ATR: variants seen among roughly 807,000 people sequenced by gnomAD.
ATR encodes serine/threonine-protein kinase ATR.
A neutral mutation model predicts 305.3 loss-of-function variants in ATR; 142 were observed. The observed-to-expected ratio is 0.47, with a 90% CI of 0.41 to 0.53. The LOEUF is 0.53. Ranked by LOEUF, ATR falls within the 20% of genes least tolerant of loss-of-function variation. The pLI is 0.00. For synonymous variants in ATR, 1,050 were observed against 1,068.1 expected (o/e 0.98, Z 0.33); for missense variants, 2,135 against 3,133.1 (o/e 0.68, Z 7.60).
intron 33 of ATR, 35 bp downstream of exon 33, chr3:142,496,978 T>G (rs749749193): frequency 6.3e-7 from 1 of 1,586,444 alleles, no homozygotes; most frequent in East Asian, 2.2e-5. Flanking sequence ...AAATTCAAGA[T>G]AAGTGACATT....
At position 142,498,675 on chromosome 3, in the gene ATR, C is replaced by G. The variant is rs2108341164; in HGVS notation, c.5480G>C (p.Arg1827Thr). 6.2e-7 allele frequency: 1 copy of G among 1,614,052 alleles called. No homozygotes were observed. The highest frequency in any genetic ancestry group is 8.5e-7 in the Non-Finnish European group (1 of 1,179,982). ...TAFYDSLKLV[R>T]AEQIVPLSAA... is the part of the protein sequence containing the mutation. ...TGAAAGAGGTACAATTTGTTCTGCTCTCACTAGTTTCAGTGAGTCATAAAA... is the reference window on the plus strand; with the variant it reads ...TGAAAGAGGTACAATTTGTTCTGCTGTCACTAGTTTCAGTGAGTCATAAAA... The change falls in exon 32 of 47, where the codon AGA (arginine) becomes ACA (threonine). Residue 1827 changes from arginine (R) to threonine (T), a missense_variant. This residue lies in a region of ATR where 117 missense variants were observed against 198.3 expected (regional missense o/e 0.59). Transcript: ENST00000350721.
chr3:142,550,351 T>G (rs1346494766), intron 13 of ATR, 49 bp from the exon 14 acceptor site: 1 of 1,576,504 alleles, frequency 6.3e-7, no homozygotes, highest in East Asian at 2.2e-5. Flanking sequence ...AGAAGAAATT[T>G]TAACTAATAC....
Position 142,562,333 on chromosome 3 carries a change from C to G in ATR, c.1069G>C (p.Val357Leu), listed in dbSNP as rs759811121. ...CHLLQYFLKFVPAGYESALQV... is the reference protein window; with the variant it reads ...CHLLQYFLKFLPAGYESALQV... ...AAAGCAGATTCATACCCAGCTGGCA[C>G]AAATTTAAGGAAATACTGCAGTAAA... is the stretch of plus-strand genomic sequence containing the variant. The change falls in exon 4 of 47, where the codon GTG becomes CTG. Residue 357 changes from valine (V) to leucine (L), a missense_variant. Val to Leu is a conservative substitution (Grantham distance 32, BLOSUM62 1). This residue lies in a region of ATR where 744 missense variants were observed against 873.2 expected (regional missense o/e 0.85). Coordinates refer to ENST00000350721, the MANE Select transcript of ATR (RefSeq NM_001184.4). 3.7e-6 allele frequency: 6 copies of G among 1,614,066 alleles called. No individual in the cohort carries two copies. Among genetic ancestry groups the G allele is most frequent in the Admixed American group, 1.7e-5 (1 of 60,022 alleles).
At chr3:142,526,929 T>C (rs2033418002) in intron 21 of ATR, among the ~76,000 whole-genome samples, 1 of 151,924 alleles carries the variant, frequency 6.6e-6, no homozygotes, top group Non-Finnish European at 1.5e-5. Flanking sequence ...GCTTGGACTT[T>C]AGGCATGTGC....
chr3:142,535,427 T>A (rs1342865462), intron 20 of ATR, among the ~76,000 whole-genome samples: 1 of 152,118 alleles, frequency 6.6e-6, no homozygotes, highest in East Asian at 1.9e-4. Flanking sequence ...AAAAATTTTA[T>A]CCCAACTAAG....
intron 15 of ATR, among the ~76,000 whole-genome samples, chr3:142,549,045 AG>A (rs57913631): frequency 0.14 from 20,908 of 152,178 alleles, 1,477 homozygotes; most frequent in Non-Finnish European, 0.16. Flanking sequence ...AAAGAAGCAC[AG>A]GTTATAATTT....
chr3:142,457,094 C>T (rs2108256614), intron 45 of ATR, among the ~76,000 whole-genome samples: 1 of 152,012 alleles, frequency 6.6e-6, no homozygotes, highest in East Asian at 1.9e-4. Flanking sequence ...TGTAGTATAT[C>T]CATATAACAG....
intron 2 of ATR, among the ~76,000 whole-genome samples, chr3:142,566,848 A>G (rs1386243725): frequency 6.6e-6 from 1 of 151,544 alleles, no homozygotes; most frequent in African/African-American, 2.4e-5. Context: ...GGTACAAGTG[A>G]TTCTTCTGCC....
chr3:142,489,849 T>C lies in ATR; in HGVS notation c.6078+3283A>G, dbSNP rs987694339. ...TGGAATGGAATATGGTAGATTTAAC[T>C]TTTTATAGTCCCCACCAGGTGCATT... On this transcript the variant is annotated intron_variant, in intron 35 of 46. Transcript: ENST00000350721. 2.6e-5 allele frequency among the ~76,000 whole-genome samples: 4 copies of C among 152,346 alleles called. No homozygotes were observed. The South Asian group carries it at 8.3e-4, about 32-fold the overall frequency.
chr3:142,454,411 A>G (rs2070858191), intron 45 of ATR, among the ~76,000 whole-genome samples: 1 of 142,750 alleles, frequency 7.0e-6, no homozygotes, highest in Non-Finnish European at 1.5e-5. Context: ...ACTAACCAGT[A>G]TTCTACCATA....
chr3:142,573,683 C>G (rs2035348055), intron 1 of ATR, among the ~76,000 whole-genome samples: 1 of 152,030 alleles, frequency 6.6e-6, no homozygotes, highest in South Asian at 2.1e-4. Context: ...ACAATTGATC[C>G]TAACAATATA....
chr3:142,497,770 T>C (rs904492275), intron 32 of ATR, among the ~76,000 whole-genome samples: 1 of 151,998 alleles, frequency 6.6e-6, no homozygotes, highest in Non-Finnish European at 1.5e-5. Flanking sequence ...TAAACCAACA[T>C]GAGGTATTTG....
At chr3:142,552,709 A>G (rs1322301435) in intron 13 of ATR, among the ~76,000 whole-genome samples, 2 of 151,072 alleles carry the variant, frequency 1.3e-5, no homozygotes, top group African/African-American at 4.9e-5. Flanking sequence ...GAGTTAACCT[A>G]AATGCCCATC....
At position 142,560,365 on chromosome 3, in the gene ATR, C is replaced by A. The variant is rs750056135; in HGVS notation, c.1439G>T (p.Ser480Ile). Reference protein sequence around the residue: ...AESLQISLEYSGLKNPVIEML... With the variant: ...AESLQISLEYIGLKNPVIEML... Reference sequence around the variant, plus strand: ...CTCAATAACAGGATTCTTTAGGCCACTGTATTCAAGGGAAATCTGAAGGGA... The same window carrying A: ...CTCAATAACAGGATTCTTTAGGCCAATGTATTCAAGGGAAATCTGAAGGGA... Residue 480 changes from serine to isoleucine, a missense_variant, in exon 6 of 47, where the codon AGT (serine) becomes ATT (isoleucine). Coordinates refer to ENST00000350721, the MANE Select transcript of ATR (RefSeq NM_001184.4). 3.7e-6 allele frequency: 6 copies of A among 1,613,844 alleles called. No individual in the cohort carries two copies. In the East Asian group the frequency reaches 1.3e-4, roughly 36 times the overall value.
chr3:142,572,690 G>A (rs2035314151), intron 1 of ATR, among the ~76,000 whole-genome samples: 3 of 151,860 alleles, frequency 2.0e-5, no homozygotes, highest in Admixed American at 2.0e-4. Flanking sequence ...TGGGAGGATC[G>A]CTTGAGCCTG....
intron 33 of ATR, among the ~76,000 whole-genome samples, chr3:142,496,788 T>C (rs2031671698): frequency 6.6e-6 from 1 of 152,108 alleles, no homozygotes; most frequent in Non-Finnish European, 1.5e-5. Flanking sequence ...GTAAAAAACA[T>C]ATCCCCCAGA....
chr3:142,551,861 A>C (rs1213745842), intron 13 of ATR, among the ~76,000 whole-genome samples: 1 of 152,226 alleles, frequency 6.6e-6, no homozygotes, highest in Non-Finnish European at 1.5e-5. Context: ...CAGCAAAATA[A>C]ACTATCATCA....
intron 39 of ATR, 40 bp from the exon 40 acceptor site, chr3:142,466,573 T>TA: frequency 6.5e-7 from 1 of 1,537,500 alleles, no homozygotes; most frequent in Non-Finnish European, 8.9e-7. Context: ...GTTTTTACCT[T>TA]AAATTCCACT....
intron 45 of ATR, 71 bp downstream of exon 45, chr3:142,457,533 C>T: frequency 1.9e-6 from 3 of 1,584,158 alleles, no homozygotes; most frequent in Non-Finnish European, 1.7e-6. Flanking sequence ...TACATAAAAA[C>T]AAACATATGT....
Sources: allele counts gnomAD v4.1 joint callset (sites outside exome capture counted in the v4.1 genomes callset), GRCh38; gene constraint gnomAD v4.1.1; regional missense constraint gnomAD v4.1.1; transcripts MANE v1.5; gene names NCBI Gene and HGNC (gene_info 2026-07-23, HGNC 2026-07-21).